Variants in KLHL15 observed in about 807,000 individuals in gnomAD.
The protein encoded by KLHL15 is kelch like family member 15.
Under a neutral mutation model 29.3 loss-of-function variants are expected in KLHL15, and 1 was observed. The observed-to-expected ratio is 0.03, with a 90% CI of 0.01 to 0.16. The LOEUF (loss-of-function observed/expected upper bound fraction) is 0.16, where lower values mean the gene tolerates loss of function less well. Ranked by LOEUF, KLHL15 falls within the 10% of genes least tolerant of loss-of-function variation. KLHL15 has a pLI of 1.00. For synonymous variants in KLHL15, 212 were observed against 184.5 expected, an observed-to-expected ratio of 1.15 and a Z score of -1.21; for missense variants, 215 against 478.5, an observed-to-expected ratio of 0.45 and a Z score of 5.14.
intron 3 of KLHL15, among the ~76,000 whole-genome samples, chrX:24,001,095 T>C (rs1929305536): frequency 2.7e-5 from 3 of 111,672 alleles, no homozygotes; most frequent in Non-Finnish European, 5.6e-5. Flanking sequence ...CATTAGGGGG[T>C]CTATCATGAG....
At chrX:23,997,861 T>C (rs1389380993) in intron 3 of KLHL15, among the ~76,000 whole-genome samples, 1 of 108,338 alleles carries the variant, frequency 9.2e-6, no homozygotes, top group Non-Finnish European at 1.9e-5. Flanking sequence ...GGAGGACGGC[T>C]TGATGCCAGG....
intron 2 of KLHL15, among the ~76,000 whole-genome samples, chrX:24,018,378 C>T (rs1929733165): frequency 9.1e-6 from 1 of 110,007 alleles, no homozygotes; most frequent in Non-Finnish European, 1.9e-5. Context: ...TGTATCCTTA[C>T]TTTTCATATA....
chrX:24,020,027 T>TA (rs757211199), intron 2 of KLHL15, among the ~76,000 whole-genome samples: 8 of 112,406 alleles, frequency 7.1e-5, no homozygotes, highest in East Asian at 2.8e-4. Context: ...CAGAGGTTGA[T>TA]ATAATATACT....
intron 3 of KLHL15, 85 bp downstream of exon 3, chrX:24,005,904 C>G (rs1030168283): frequency 4.3e-6 from 3 of 693,751 alleles, no homozygotes; most frequent in Non-Finnish European, 6.4e-6. Context: ...ATTCTTGGCT[C>G]TTAAGTCTGT....
At chrX:24,017,424 A>C (rs961764623) in intron 2 of KLHL15, among the ~76,000 whole-genome samples, 5 of 109,603 alleles carry the variant, frequency 4.6e-5, no homozygotes, top group African/African-American at 1.7e-4. Flanking sequence ...CCTAAGTGAG[A>C]ACCCTCAGTC....
chrX:24,010,711 A>G (rs1047547700), intron 2 of KLHL15, among the ~76,000 whole-genome samples: 1 of 111,102 alleles, frequency 9.0e-6, no homozygotes, highest in African/African-American at 3.3e-5. Flanking sequence ...CTGGGACCCA[A>G]TCTCCCAAGT....
At chrX:23,995,064 A>C (rs1929157959) in intron 3 of KLHL15, among the ~76,000 whole-genome samples, 1 of 111,697 alleles carries the variant, frequency 9.0e-6, no homozygotes, top group African/African-American at 3.3e-5. Context: ...AAGTATGAGA[A>C]ATGATTAACT....
At chrX:24,003,577 A>C (rs1387910609) in intron 3 of KLHL15, among the ~76,000 whole-genome samples, 22 of 101,641 alleles carry the variant, frequency 2.2e-4, no homozygotes, top group Middle Eastern at 0.01. Context: ...AAAAAAAAAC[A>C]AAAAAAAACC....
In KLHL15 at chrX:23,987,756, A is replaced by T; in HGVS notation, c.*165T>A. ...TAACTTATTGCATGAGTTTGAGGCC[A>T]CTGAAAAGAAAAAAAGGATGCTAGC... On this transcript the variant is annotated 3_prime_UTR_variant, in exon 4 of 4. Coordinates refer to ENST00000328046, the MANE Select transcript of KLHL15 (RefSeq NM_030624.3). 2.2e-6 allele frequency: 1 copy of T among 446,798 alleles called. No homozygotes were observed. The highest frequency in any genetic ancestry group is 3.7e-6 in the Non-Finnish European group (1 of 267,980). The allele number at this position is 446,798 out of a possible 1,213,427, so 36.8% of individuals were successfully genotyped here.
intron 3 of KLHL15, among the ~76,000 whole-genome samples, chrX:23,997,740 A>G (rs1397863954): frequency 2.2e-5 from 2 of 92,642 alleles, no homozygotes; most frequent in Non-Finnish European, 4.2e-5. Context: ...CAAAAAAAAA[A>G]AAAAAAAAAA....
chrX:24,025,478 T>G (rs1450934401), intron 1 of KLHL15, among the ~76,000 whole-genome samples: 3 of 101,655 alleles, frequency 3.0e-5, no homozygotes, highest in Non-Finnish European at 6.1e-5. Flanking sequence ...GGGGGCCCAG[T>G]GCGCTGTCGT....
chrX:24,002,047 G>T (rs1929335565), intron 3 of KLHL15, among the ~76,000 whole-genome samples: 1 of 108,696 alleles, frequency 9.2e-6, no homozygotes, highest in Admixed American at 1.0e-4. Flanking sequence ...GCAGGAGAAT[G>T]GCGTGAACCC....
chrX:23,995,789 G>A (rs757822208), intron 3 of KLHL15, among the ~76,000 whole-genome samples: 1 of 110,106 alleles, frequency 9.1e-6, no homozygotes, highest in Admixed American at 9.7e-5. Context: ...TTCACTTGTT[G>A]CCCAAGCTGG....
At chrX:24,019,636 T>A (rs1429060967) in intron 2 of KLHL15, among the ~76,000 whole-genome samples, 1 of 105,262 alleles carries the variant, frequency 9.5e-6, no homozygotes, top group Non-Finnish European at 1.9e-5. Context: ...GTGTAAGAGA[T>A]AAGTGACAAC....
chrX:24,013,527 G>C (rs1929616255), intron 2 of KLHL15, among the ~76,000 whole-genome samples: 1 of 110,551 alleles, frequency 9.0e-6, no homozygotes, highest in African/African-American at 3.3e-5. Context: ...GCCTCCCAAA[G>C]TGCTGGGATT....
intron 2 of KLHL15, among the ~76,000 whole-genome samples, chrX:24,023,181 T>C (rs947594013): frequency 8.9e-6 from 1 of 111,973 alleles, no homozygotes; most frequent in Non-Finnish European, 1.9e-5. Flanking sequence ...GGGGCCCTTC[T>C]GAACATCCAT....
chrX:23,998,414 G>A (rs1223627956), intron 3 of KLHL15, among the ~76,000 whole-genome samples: 2 of 109,994 alleles, frequency 1.8e-5, no homozygotes, highest in African/African-American at 3.3e-5. Flanking sequence ...CCACCACCAT[G>A]CCCGGCTAAT....
intron 2 of KLHL15, among the ~76,000 whole-genome samples, chrX:24,011,918 G>C (rs112918059): frequency 0.015 from 1,647 of 113,138 alleles, 18 homozygotes; most frequent in Middle Eastern, 0.023. Context: ...GGGAGACCAA[G>C]GTAGGCGGAT....
At chrX:24,001,529 C>A (rs886555072) in intron 3 of KLHL15, among the ~76,000 whole-genome samples, 2 of 110,781 alleles carry the variant, frequency 1.8e-5, no homozygotes, top group South Asian at 7.5e-4. Flanking sequence ...ATAGGCTGGG[C>A]GTGGTGGCTC....
Sources: gnomAD v4.1 joint callset for allele counts (sites outside exome capture counted in the v4.1 genomes callset) on GRCh38, gnomAD v4.1.1 for gene constraint, MANE v1.5 for transcripts, NCBI Gene and HGNC (gene_info 2026-07-23, HGNC 2026-07-21) for gene names.